The following CREB5 variants were observed in gnomAD, a reference collection of about 807,000 sequenced individuals.
CREB5 encodes the protein cyclic AMP-responsive element-binding protein 5.
In CREB5, 19 loss-of-function variants were observed where a neutral mutation model predicts 57.1. The observed-to-expected ratio is 0.33, with a 90% CI of 0.23 to 0.49. CREB5 has a LOEUF of 0.49. CREB5 is among the 20% of genes least tolerant of loss of function. CREB5 has a pLI of 0.99. For synonymous variants in CREB5, 238 were observed against 238.3 expected, an observed-to-expected ratio of 1.00 and a Z score of 0.01; for missense variants, 579 against 671.6, an observed-to-expected ratio of 0.86 and a Z score of 1.52.
chr7:28,801,782 C>T (rs1808378675), intron 7 of CREB5, among the ~76,000 whole-genome samples: 1 of 152,016 alleles, frequency 6.6e-6, no homozygotes, highest in African/African-American at 2.4e-5. Context: ...TGTTAGTTCA[C>T]TTTTCTGTTT....
chr7:28,592,729 G>A (rs1038022621), intron 5 of CREB5, among the ~76,000 whole-genome samples: 2 of 152,168 alleles, frequency 1.3e-5, no homozygotes, highest in African/African-American at 4.8e-5. Context: ...CTACAAAAGG[G>A]TCACCAAGAA....
chr7:28,671,498 G>A (rs564908401), intron 5 of CREB5, among the ~76,000 whole-genome samples: 1 of 152,230 alleles, frequency 6.6e-6, no homozygotes, highest in South Asian at 2.1e-4. Context: ...TTCAGACTGG[G>A]GAGAAGCAAG....
intron 4 of CREB5, among the ~76,000 whole-genome samples, chr7:28,525,010 A>C (rs528665360): frequency 1.5e-5 from 2 of 135,948 alleles, no homozygotes; most frequent in African/African-American, 5.3e-5. Flanking sequence ...GCTTCTGGTA[A>C]CCATCATTCT....
intron 3 of CREB5, among the ~76,000 whole-genome samples, chr7:28,501,496 A>C (rs764248936): frequency 6.6e-6 from 1 of 152,186 alleles, no homozygotes; most frequent in East Asian, 1.9e-4. Flanking sequence ...CTTGCTCTGC[A>C]GTATTCTTTT....
chr7:28,530,915 T>C (rs931081150), intron 4 of CREB5, among the ~76,000 whole-genome samples: 1 of 152,210 alleles, frequency 6.6e-6, no homozygotes, highest in African/African-American at 2.4e-5. Context: ...TTAATGAGCT[T>C]AGGAAAAACC....
At chr7:28,513,128 C>A (rs1372835576) in intron 4 of CREB5, among the ~76,000 whole-genome samples, 1 of 152,210 alleles carries the variant, frequency 6.6e-6, no homozygotes, top group Admixed American at 6.5e-5. Context: ...CAAGAAGGTG[C>A]GGAAGGAGAG....
intron 5 of CREB5, among the ~76,000 whole-genome samples, chr7:28,703,528 C>T (rs946087990): frequency 5.3e-5 from 8 of 152,192 alleles, no homozygotes; most frequent in African/African-American, 1.9e-4. Flanking sequence ...TAAAAAGCCC[C>T]ATGATCTGCC....
intron 5 of CREB5, among the ~76,000 whole-genome samples, chr7:28,652,124 TA>T (rs1262057211): frequency 6.6e-6 from 1 of 152,134 alleles, no homozygotes; most frequent in East Asian, 1.9e-4. Context: ...AAATAATTAA[TA>T]AAAAAATTTT....
At chr7:28,556,584 C>A (rs1794889584) in intron 4 of CREB5, among the ~76,000 whole-genome samples, 1 of 152,064 alleles carries the variant, frequency 6.6e-6, no homozygotes, top group South Asian at 2.1e-4. Flanking sequence ...TATAAATTTT[C>A]TCTAATGAAC....
chr7:28,428,405 C>T (rs1017464938), intron 1 of CREB5, among the ~76,000 whole-genome samples: 2 of 152,080 alleles, frequency 1.3e-5, no homozygotes, highest in African/African-American at 4.8e-5. Flanking sequence ...GCAAGGGTGG[C>T]AGCTGGAAGA....
At position 28,391,702 on chromosome 7, in the gene CREB5, C is replaced by T. The variant is rs73295141; in HGVS notation, c.-25+92261C>T. 9.1e-3 allele frequency among the ~76,000 whole-genome samples: 1,389 copies of T among 152,324 alleles called. 21 individuals carry two copies. Among genetic ancestry groups the T allele is most frequent in the African/African-American group, 0.032 (1,329 of 41,564 alleles). ...GTATTCCCATGTCCTCTGGGAAGGA[C>T]TGGATGTGGTTCTTCTCACCAAATA... On this transcript the variant is annotated intron_variant, in intron 1 of 9. Transcript: ENST00000396299.
intron 1 of CREB5, among the ~76,000 whole-genome samples, chr7:28,375,715 G>T (rs1225419202): frequency 6.7e-6 from 1 of 149,324 alleles, no homozygotes; most frequent in Non-Finnish European, 1.5e-5. Context: ...AGTGAGTACT[G>T]TTCAAAATGG....
At chr7:28,628,612 G>A (rs1317116691) in intron 5 of CREB5, among the ~76,000 whole-genome samples, 2 of 152,180 alleles carry the variant, frequency 1.3e-5, no homozygotes, top group Non-Finnish European at 2.9e-5. Flanking sequence ...GTGTGAGGGT[G>A]GGTGGCTGTC....
At chr7:28,712,352 A>G (rs1220516481) in intron 5 of CREB5, among the ~76,000 whole-genome samples, 1 of 151,782 alleles carries the variant, frequency 6.6e-6, no homozygotes. Context: ...TCCTAAAAAT[A>G]GAAAAATTAC....
At chr7:28,420,353 T>C (rs751409522) in intron 1 of CREB5, among the ~76,000 whole-genome samples, 13 of 152,244 alleles carry the variant, frequency 8.5e-5, no homozygotes, top group Non-Finnish European at 1.3e-4. Context: ...TATCTTTATT[T>C]AACATTTAGA....
At chr7:28,646,390 C>T (rs1401939251) in intron 5 of CREB5, among the ~76,000 whole-genome samples, 4 of 152,102 alleles carry the variant, frequency 2.6e-5, no homozygotes, top group African/African-American at 9.7e-5. Context: ...AAGAGAGAAA[C>T]ATCAGTCACA....
intron 4 of CREB5, among the ~76,000 whole-genome samples, chr7:28,543,128 A>G (rs997688024): frequency 6.6e-6 from 1 of 152,110 alleles, no homozygotes; most frequent in African/African-American, 2.4e-5. Context: ...AACATCTGAA[A>G]TTTAGTTATT....
intron 7 of CREB5, among the ~76,000 whole-genome samples, chr7:28,724,829 C>G (rs1015589200): frequency 6.6e-6 from 1 of 152,146 alleles, no homozygotes; most frequent in African/African-American, 2.4e-5. Context: ...TATTTTCTTG[C>G]AACCCTTACT....
intron 4 of CREB5, among the ~76,000 whole-genome samples, chr7:28,568,849 T>C (rs1795584716): frequency 6.6e-6 from 1 of 152,358 alleles, no homozygotes. Flanking sequence ...CACCATCGTT[T>C]AACACGTAGT....
Sources: allele counts gnomAD v4.1 joint callset (sites outside exome capture counted in the v4.1 genomes callset), GRCh38; gene constraint gnomAD v4.1.1; transcripts MANE v1.5; gene names NCBI Gene and HGNC (gene_info 2026-07-23, HGNC 2026-07-21).